The following UBAP1 variants were observed in gnomAD, a reference collection of about 807,000 sequenced individuals.
UBAP1 encodes the protein ubiquitin associated protein 1, also known as ubiquitin-associated protein 1.
In UBAP1, 5 loss-of-function variants were observed where a neutral mutation model predicts 39.0. That is an observed-to-expected ratio of 0.13 (90% CI 0.07 to 0.27). The LOEUF (loss-of-function observed/expected upper bound fraction) is 0.27, where lower values mean the gene tolerates loss of function less well. Among genes scored for constraint, UBAP1 ranks in the 10% least tolerant of loss-of-function variants. The pLI, the probability that UBAP1 is intolerant of heterozygous loss-of-function variation, is 1.00. For synonymous variants in UBAP1, 211 were observed against 225.1 expected (o/e 0.94, Z 0.56); for missense variants, 490 against 608.1 (o/e 0.81, Z 2.04).
At chr9:34,247,448 G>A (rs952675794) in intron 4 of UBAP1, among the ~76,000 whole-genome samples, 11 of 151,450 alleles carry the variant, frequency 7.3e-5, no homozygotes, top group African/African-American at 1.9e-4. Flanking sequence ...ATTTAGAGAC[G>A]GTGTCTCGCT....
At chr9:34,243,607 A>C (rs1033258918) in intron 4 of UBAP1, among the ~76,000 whole-genome samples, 5 of 151,278 alleles carry the variant, frequency 3.3e-5, no homozygotes, top group African/African-American at 4.9e-5. Flanking sequence ...TGCCTCTCGC[A>C]GCCTGCCAAG....
At chr9:34,189,597 T>C (rs969826393) in intron 1 of UBAP1, among the ~76,000 whole-genome samples, 36 of 152,120 alleles carry the variant, frequency 2.4e-4, no homozygotes, top group Admixed American at 2.1e-3. Context: ...GAGCAGACTT[T>C]AGGGGTAGTT....
chr9:34,246,216 G>C (rs1189588333), intron 4 of UBAP1, among the ~76,000 whole-genome samples: 1 of 152,124 alleles, frequency 6.6e-6, no homozygotes, highest in Non-Finnish European at 1.5e-5. Context: ...ACAGGCACGT[G>C]CCACCACACC....
At chr9:34,249,713 G>C in intron 4 of UBAP1, 66 bp from the exon 5 acceptor site, 1 of 1,507,164 alleles carries the variant, frequency 6.6e-7, no homozygotes, top group South Asian at 1.2e-5. Flanking sequence ...CCCTGGACTA[G>C]GCTGCCTCAG....
At chr9:34,197,386 C>A (rs1831128993) in intron 1 of UBAP1, among the ~76,000 whole-genome samples, 1 of 151,990 alleles carries the variant, frequency 6.6e-6, no homozygotes, top group Admixed American at 6.6e-5. Context: ...AAGCAATCTG[C>A]CCGCCTTGGC....
At chr9:34,209,770 C>A (rs1164401949) in intron 1 of UBAP1, among the ~76,000 whole-genome samples, 2 of 151,598 alleles carry the variant, frequency 1.3e-5, no homozygotes, top group Non-Finnish European at 2.9e-5. Flanking sequence ...TCCTTTTAAT[C>A]CTCTTATAGG....
chr9:34,232,656 T>G (rs766985311), intron 2 of UBAP1, among the ~76,000 whole-genome samples: 1 of 152,050 alleles, frequency 6.6e-6, no homozygotes, highest in Admixed American at 6.6e-5. Flanking sequence ...ATGGGAGTGA[T>G]GACAAGATTA....
intron 1 of UBAP1, among the ~76,000 whole-genome samples, chr9:34,203,086 A>G (rs1017578639): frequency 1.3e-5 from 2 of 152,104 alleles, no homozygotes; most frequent in Admixed American, 6.6e-5. Context: ...AAAGTTTGCT[A>G]CAGTCAGGAT....
rs61297759 is a variant in UBAP1 at position 34,182,616 on chromosome 9, CTTCTTTCTTTCTTTCTTTCTTTCT to C, written c.-8+3421_-8+3444del. Among the ~76,000 whole-genome samples the C allele has an allele frequency of 9.4e-4, 104 of 110,706 alleles. 1 individual carries two copies. Among genetic ancestry groups the C allele is most frequent in the African/African-American group, 3.4e-3 (93 of 27,194 alleles). The allele number at this position is 110,706 out of a possible 152,430, so 72.6% of individuals were successfully genotyped here. A position where few individuals can be genotyped will look rare whatever the true frequency, so the allele number is the denominator to read the frequency against. On this transcript the variant is annotated intron_variant, in intron 1 of 6. Transcript: ENST00000297661. ...GTTCTTTTTTCTTTTTCTTTCTTTC[CTTCTTTCTTTCTTTCTTTCTTTCT>C]TTCTTTCTTTCTTTCTTTCTTTCTT...
At position 34,193,479 on chromosome 9, in the gene UBAP1, A is replaced by G. The variant is rs577020766; in HGVS notation, c.-8+14239A>G. ...AGTGGACACCAGCTCGGTGTTCTCC[A>G]ATTCAGGTTGGGGGCTCAGTCTTCA... On this transcript the variant is annotated intron_variant, in intron 1 of 6. Coordinates refer to ENST00000297661, the MANE Select transcript of UBAP1 (RefSeq NM_016525.5). Among the ~76,000 whole-genome samples the G allele has an allele frequency of 3.8e-4, 58 of 152,080 alleles. 1 individual carries two copies. The highest frequency in any genetic ancestry group is 1.2e-3 in the African/African-American group (51 of 41,504).
chr9:34,218,317 T>C (rs1832461170), intron 1 of UBAP1, among the ~76,000 whole-genome samples: 1 of 143,854 alleles, frequency 7.0e-6, no homozygotes, highest in African/African-American at 2.6e-5. Flanking sequence ...CATTTAAATT[T>C]TGGTGGAACT....
At chr9:34,204,679 A>C (rs559116641) in intron 1 of UBAP1, among the ~76,000 whole-genome samples, 3 of 152,186 alleles carry the variant, frequency 2.0e-5, no homozygotes, top group African/African-American at 7.2e-5. Flanking sequence ...AAGCCCTAAA[A>C]GTTCTTTTTT....
At chr9:34,225,736 C>T (rs889600049) in intron 2 of UBAP1, among the ~76,000 whole-genome samples, 1 of 149,036 alleles carries the variant, frequency 6.7e-6, no homozygotes, top group Non-Finnish European at 1.5e-5. Flanking sequence ...GCCGAGATCA[C>T]ACCACTGCAC....
chr9:34,223,847 GCT>G, intron 2 of UBAP1: 1 of 215,558 alleles, frequency 4.6e-6, no homozygotes, highest in Non-Finnish European at 9.1e-6. Flanking sequence ...CTTTAACAGG[GCT>G]CTTTTTGCTG....
chr9:34,179,095 C>A lies in UBAP1; in HGVS notation c.-153C>A. The A allele has an allele frequency of 7.8e-7, 1 of 1,277,166 alleles. No homozygotes were observed. The highest frequency in any genetic ancestry group is 9.9e-7 in the Non-Finnish European group (1 of 1,009,604). The allele number at this position is 1,277,166 out of a possible 1,614,324, so 79.1% of individuals were successfully genotyped here. On this transcript the variant is annotated 5_prime_UTR_variant, in exon 1 of 7. Transcript: ENST00000297661. ...GCGGCACTGGCGGTGGCTACGGTGA[C>A]GGCCTGGCCCGGAGCGGGCAGAGTT...
At chr9:34,188,294 A>G (rs1378110360) in intron 1 of UBAP1, among the ~76,000 whole-genome samples, 10 of 152,172 alleles carry the variant, frequency 6.6e-5, no homozygotes, top group Admixed American at 5.9e-4. Flanking sequence ...TGTAACTACC[A>G]TAGTTTATAG....
chr9:34,240,149 T>C (rs1375062720), intron 3 of UBAP1, among the ~76,000 whole-genome samples: 1 of 152,202 alleles, frequency 6.6e-6, no homozygotes, highest in African/African-American at 2.4e-5. Flanking sequence ...CACTGCTCTT[T>C]TCTCATTGTT....
intron 1 of UBAP1, among the ~76,000 whole-genome samples, chr9:34,208,121 C>T (rs1831812382): frequency 6.6e-6 from 1 of 152,128 alleles, no homozygotes; most frequent in African/African-American, 2.4e-5. Context: ...TGAATTATAT[C>T]AGCAGAATTG....
At chr9:34,188,190 A>T (rs191654798) in intron 1 of UBAP1, among the ~76,000 whole-genome samples, 4 of 143,626 alleles carry the variant, frequency 2.8e-5, no homozygotes, top group Admixed American at 7.3e-5. Flanking sequence ...CCACCAGATT[A>T]AAAATACAAC....
Sources: allele counts gnomAD v4.1 joint callset (sites outside exome capture counted in the v4.1 genomes callset), GRCh38; gene constraint gnomAD v4.1.1; transcripts MANE v1.5; gene names NCBI Gene and HGNC (gene_info 2026-07-23, HGNC 2026-07-21).